The following CNTNAP2 variants were observed in gnomAD, a reference collection of about 807,000 sequenced individuals.
CNTNAP2 encodes contactin associated protein 2.
Under a neutral mutation model 155.2 loss-of-function variants are expected in CNTNAP2, and 98 were observed. The ratio of observed to expected loss-of-function variants is 0.63; its 90% CI spans 0.54 to 0.75. The LOEUF is 0.75. Ranked by LOEUF, CNTNAP2 falls within the 30% of genes least tolerant of loss-of-function variation. The pLI is 0.00. For synonymous variants in CNTNAP2, 651 were observed against 631.2 expected, an observed-to-expected ratio of 1.03 and a Z score of -0.47; for missense variants, 1,727 against 1,688.1, an observed-to-expected ratio of 1.02 and a Z score of -0.40.
At chr7:147,194,932 C>T (rs879081712) in intron 8 of CNTNAP2, among the ~76,000 whole-genome samples, 3 of 152,084 alleles carry the variant, frequency 2.0e-5, no homozygotes, top group Non-Finnish European at 4.4e-5. Flanking sequence ...TAATCAGATC[C>T]CATTTGTCAA....
At chr7:147,821,504 C>T (rs1234196111) in intron 13 of CNTNAP2, among the ~76,000 whole-genome samples, 1 of 152,090 alleles carries the variant, frequency 6.6e-6, no homozygotes, top group African/African-American at 2.4e-5. Context: ...AAGATATTTT[C>T]AGAATGTGAT....
chr7:148,227,884 C>CGTGTGT (rs3057282), intron 19 of CNTNAP2, among the ~76,000 whole-genome samples: 3,899 of 131,452 alleles, frequency 0.03, 70 homozygotes, highest in South Asian at 0.035. Flanking sequence ...AAGAGCACAG[C>CGTGTGT]GTGTGTGTGT....
At chr7:147,527,015 C>CTTTTCTTTT (rs1562981280) in intron 11 of CNTNAP2, among the ~76,000 whole-genome samples, 28 of 65,164 alleles carry the variant, frequency 4.3e-4, no homozygotes, top group East Asian at 1.3e-3. Flanking sequence ...ACAGGCATTT[C>CTTTTCTTTT]TTTTTTTTTT....
intron 13 of CNTNAP2, among the ~76,000 whole-genome samples, chr7:147,897,413 T>C (rs1799795030): frequency 6.6e-6 from 1 of 152,164 alleles, no homozygotes. Context: ...CTTTTACAGG[T>C]GCCCGATTTG....
intron 3 of CNTNAP2, among the ~76,000 whole-genome samples, chr7:146,964,166 TA>T (rs1362456416): frequency 6.6e-6 from 1 of 152,224 alleles, no homozygotes; most frequent in Non-Finnish European, 1.5e-5. Context: ...GTTTCTGAAT[TA>T]AAATCACTTC....
intron 4 of CNTNAP2, among the ~76,000 whole-genome samples, chr7:147,076,097 T>C (rs1248823645): frequency 6.6e-6 from 1 of 152,194 alleles, no homozygotes; most frequent in Non-Finnish European, 1.5e-5. Flanking sequence ...AACATACGTG[T>C]GCAAGTGTCT....
In CNTNAP2 at chr7:147,977,600, C is replaced by T. The variant is rs79688382; in HGVS notation, c.2256-262C>T. 7.2e-3 allele frequency among the ~76,000 whole-genome samples: 1,096 copies of T among 152,142 alleles called. 17 individuals carry two copies. The highest frequency in any genetic ancestry group is 0.022 in the African/African-American group (920 of 41,512). On this transcript the variant is annotated intron_variant, in intron 14 of 23. Coordinates refer to ENST00000361727, the MANE Select transcript of CNTNAP2 (RefSeq NM_014141.6). ...GGTGTACTCTCTACCTAAAAGAGTA[C>T]GCAGCATAATGGTTGTGAATCTCTG... is the stretch of plus-strand genomic sequence containing the variant.
intron 1 of CNTNAP2, among the ~76,000 whole-genome samples, chr7:146,333,149 T>G (rs2129094919): frequency 6.6e-6 from 1 of 152,142 alleles, no homozygotes; most frequent in East Asian, 1.9e-4. Flanking sequence ...TTCACCATGT[T>G]GGCCAGCCTG....
chr7:146,562,251 GTTTTTC>G (rs959902747), intron 1 of CNTNAP2, among the ~76,000 whole-genome samples: 50 of 151,860 alleles, frequency 3.3e-4, no homozygotes, highest in African/African-American at 1.1e-3. Context: ...TTAGATATGA[GTTTTTC>G]TTTTTGGGAA....
At chr7:146,907,022 C>T (rs1476271163) in intron 3 of CNTNAP2, among the ~76,000 whole-genome samples, 39 of 149,872 alleles carry the variant, frequency 2.6e-4, no homozygotes, top group African/African-American at 6.4e-4. Flanking sequence ...CCTCAGGAGC[C>T]GATGCGATCA....
intron 9 of CNTNAP2, among the ~76,000 whole-genome samples, chr7:147,330,613 A>T (rs1405861939): frequency 6.6e-6 from 1 of 152,170 alleles, no homozygotes; most frequent in African/African-American, 2.4e-5. Flanking sequence ...TTGTTGGATA[A>T]CCAGTTGGTG....
intron 18 of CNTNAP2, among the ~76,000 whole-genome samples, chr7:148,186,927 A>C (rs1795124803): frequency 1.3e-5 from 2 of 152,168 alleles, no homozygotes; most frequent in South Asian, 4.1e-4. Context: ...TGTCCAATGT[A>C]GAATGGTAAA....
chr7:146,227,418 C>T (rs1163332259), intron 1 of CNTNAP2, among the ~76,000 whole-genome samples: 1 of 122,658 alleles, frequency 8.2e-6, no homozygotes, highest in Non-Finnish European at 1.6e-5. Flanking sequence ...GAGTGAGACT[C>T]TGTCTCAAAC....
intron 9 of CNTNAP2, among the ~76,000 whole-genome samples, chr7:147,325,946 A>G (rs1034222053): frequency 1.3e-5 from 2 of 151,880 alleles, no homozygotes; most frequent in Admixed American, 6.6e-5. Context: ...TTTTTGAGAC[A>G]GAGTCTTGCT....
chr7:148,286,460 A>C (rs1367594655), intron 21 of CNTNAP2, among the ~76,000 whole-genome samples: 1 of 152,244 alleles, frequency 6.6e-6, no homozygotes, highest in Non-Finnish European at 1.5e-5. Context: ...TAGAAAGGAA[A>C]GAAAAGTCAA....
At chr7:146,170,876 A>G (rs1455839829) in intron 1 of CNTNAP2, among the ~76,000 whole-genome samples, 1 of 152,076 alleles carries the variant, frequency 6.6e-6, no homozygotes, top group Non-Finnish European at 1.5e-5. Flanking sequence ...AACTACAAAA[A>G]ATTAGCCAGA....
chr7:146,642,197 G>A (rs1799721040), intron 1 of CNTNAP2, among the ~76,000 whole-genome samples: 1 of 151,254 alleles, frequency 6.6e-6, no homozygotes, highest in South Asian at 2.1e-4. Context: ...TAGGGTACAT[G>A]TGCACAATGT....
intron 1 of CNTNAP2, among the ~76,000 whole-genome samples, chr7:146,328,114 C>G (rs559721590): frequency 2.6e-5 from 4 of 152,198 alleles, no homozygotes; most frequent in Non-Finnish European, 5.9e-5. Context: ...GCACTGCTGC[C>G]TGAGCTCAGC....
chr7:147,364,848 C>CG (rs1008813648), intron 9 of CNTNAP2, among the ~76,000 whole-genome samples: 5 of 143,952 alleles, frequency 3.5e-5, no homozygotes, highest in South Asian at 2.2e-4. Context: ...GACTCAGTCT[C>CG]GGGAAAAAAA....
Sources: gnomAD v4.1 joint callset for allele counts (sites outside exome capture counted in the v4.1 genomes callset) on GRCh38, gnomAD v4.1.1 for gene constraint, MANE v1.5 for transcripts, NCBI Gene and HGNC (gene_info 2026-07-23, HGNC 2026-07-21) for gene names.